Variants in ULK1 observed in about 807,000 individuals in gnomAD.
The protein encoded by ULK1 is unc-51 like autophagy activating kinase 1.
ULK1 carries 48 observed loss-of-function variants against 117.5 expected under a neutral mutation model. The ratio of observed to expected loss-of-function variants is 0.41; its 90% CI spans 0.32 to 0.52. The LOEUF is 0.52. Among genes scored for constraint, ULK1 ranks in the 20% least tolerant of loss-of-function variants. The pLI, the probability that ULK1 is intolerant of heterozygous loss-of-function variation, is 0.29. For synonymous variants in ULK1, 790 were observed against 637.8 expected, an observed-to-expected ratio of 1.24 and a Z score of -3.60; for missense variants, 1,387 against 1,473.4, an observed-to-expected ratio of 0.94 and a Z score of 0.96.
At chr12:131,914,078 AGC>A (rs1362001134) in intron 15 of ULK1, among the ~76,000 whole-genome samples, 4 of 4,502 alleles carry the variant, frequency 8.9e-4, no homozygotes, top group Non-Finnish European at 4.6e-3. Context: ...AGCACAGTCG[AGC>A]CTGTAGGGCC....
intron 3 of ULK1, among the ~76,000 whole-genome samples, chr12:131,898,999 C>G (rs1888984826): frequency 6.6e-6 from 1 of 151,378 alleles, no homozygotes; most frequent in South Asian, 2.1e-4. Context: ...CTGCCTCAGC[C>G]TCCCGAGTAG....
At chr12:131,921,011 C>T (rs1890126546) in intron 26 of ULK1, 89 bp from the exon 27 acceptor site, 5 of 1,466,484 alleles carry the variant, frequency 3.4e-6, no homozygotes, top group African/African-American at 1.4e-5. Flanking sequence ...TATCTGCCAC[C>T]CCTGGGCCGC....
rs146750687 is a variant in ULK1, at chr12:131,922,116, G to A, written c.*755G>A. ...ACCGTGTTCTCTCAGCCCTGGATACGTCTTGTAATCTTTCACACTTTATTC... is the reference window on the plus strand; with the variant it reads ...ACCGTGTTCTCTCAGCCCTGGATACATCTTGTAATCTTTCACACTTTATTC... On this transcript the variant is annotated 3_prime_UTR_variant, in exon 28 of 28. Transcript: ENST00000321867. 39 of 418,920 alleles carry A rather than the reference G, an allele frequency of 9.3e-5. No homozygotes were observed. The highest frequency in any genetic ancestry group is 1.5e-4 in the Non-Finnish European group (32 of 208,282). The allele number at this position is 418,920 out of a possible 1,614,324, so 26.0% of individuals were successfully genotyped here.
At position 131,913,790 on chromosome 12, in the gene ULK1, AC is replaced by A; in HGVS notation, c.1205del (p.Pro402HisfsTer245). The A allele has an allele frequency of 6.3e-7, 1 of 1,576,154 alleles. No homozygotes were observed. Among genetic ancestry groups the A allele is most frequent in the Non-Finnish European group, 8.6e-7 (1 of 1,160,926 alleles). On this transcript the variant is annotated frameshift_variant, in exon 15 of 28. Transcript: ENST00000321867. LOFTEE classifies it high-confidence loss of function. ...ASAGLESHGR[T>X]PSPSPPCSSS... is the part of the protein sequence containing the mutation. Reference sequence around the variant, plus strand: ...TGCGGGCTTGGAGAGCCACGGCCGGACCCCATCTCCATCCCCACCCTGCAGC... The same window carrying A: ...TGCGGGCTTGGAGAGCCACGGCCGGACCCATCTCCATCCCCACCCTGCAGC...
chr12:131,906,212 G>C (rs1889268016), intron 3 of ULK1, among the ~76,000 whole-genome samples: 1 of 152,124 alleles, frequency 6.6e-6, no homozygotes, highest in Non-Finnish European at 1.5e-5. Flanking sequence ...TCCTGCCTTA[G>C]CCTCCTAAGT....
At chr12:131,918,390 G>C in intron 22 of ULK1, 107 bp from the exon 23 acceptor site, 2 of 1,357,456 alleles carry the variant, frequency 1.5e-6, no homozygotes, top group Non-Finnish European at 2.0e-6. Flanking sequence ...GGTGTAAACC[G>C]AGGCAGAGGC....
At position 131,918,354 on chromosome 12, in the gene ULK1, T is replaced by C. The variant is rs1331399675; in HGVS notation, c.2327-143T>C. On this transcript the variant is annotated intron_variant, in intron 22 of 27. Coordinates refer to ENST00000321867, the MANE Select transcript of ULK1 (RefSeq NM_003565.4). ...TGGCTCTAGGGGCCTGCTGTGCTTC[T>C]CCTGTTGGAGCATTGGGATATAACA... is the stretch of plus-strand genomic sequence containing the variant. 2.9e-6 allele frequency: 3 copies of C among 1,018,906 alleles called. No individual in the cohort carries two copies. The African/African-American group carries it at 4.9e-5, about 17-fold the overall frequency. 63.1% of individuals were successfully genotyped at this position (1,018,906 alleles called of 1,614,324 possible). A position where few individuals can be genotyped will look rare whatever the true frequency, so the allele number is the denominator to read the frequency against.
chr12:131,917,507 C>G lies in ULK1; in HGVS notation c.2279C>G (p.Pro760Arg), dbSNP rs760194704. 2.7e-6 allele frequency: 4 copies of G among 1,471,176 alleles called. No homozygotes were observed. The highest frequency in any genetic ancestry group is 2.7e-6 in the Non-Finnish European group (3 of 1,109,140). 91.1% of individuals were successfully genotyped at this position (1,471,176 alleles called of 1,614,324 possible). A position where few individuals can be genotyped will look rare whatever the true frequency, so the allele number is the denominator to read the frequency against. The change falls in exon 22 of 28, where the codon CCG (proline) becomes CGG (arginine). Residue 760 changes from proline (P) to arginine (R), a missense_variant. Physicochemically the swap from Pro to Arg is moderately radical, Grantham distance 103. Around this residue, in one of 4 missense-constraint regions of ULK1, gnomAD observed 900 missense variants for 858.9 expected, o/e 1.05. Coordinates refer to ENST00000321867, the MANE Select transcript of ULK1 (RefSeq NM_003565.4). ...SPVVFTVGSP[P>R]SGSTPPQGPR... ...GTGGTCTTCACCGTGGGCTCTCCCC[C>G]GAGCGGGAGCACGCCCCCCCAGGGC...
chr12:131,916,695 C>T, intron 20 of ULK1, 104 bp downstream of exon 20: 1 of 1,359,742 alleles, frequency 7.4e-7, no homozygotes, highest in Non-Finnish European at 9.7e-7. Flanking sequence ...AAAAGCCCAG[C>T]CTTGCCCTTC....
chr12:131,907,394 C>T, intron 4 of ULK1, 101 bp from the exon 5 acceptor site: 1 of 1,477,602 alleles, frequency 6.8e-7, no homozygotes, highest in South Asian at 1.3e-5. Context: ...CCTGCGGGCT[C>T]AGGGAGTAGT....
intron 20 of ULK1, 109 bp from the exon 21 acceptor site, chr12:131,916,844 G>A (rs1889811593): frequency 2.7e-6 from 3 of 1,093,316 alleles, no homozygotes; most frequent in Admixed American, 2.9e-5. Flanking sequence ...CTCTCGAGGT[G>A]GGCCAGGAGA....
intron 7 of ULK1, 29 bp downstream of exon 7, chr12:131,909,000 G>T (rs375108812): frequency 2.5e-6 from 4 of 1,612,766 alleles, no homozygotes; most frequent in Non-Finnish European, 3.4e-6. Flanking sequence ...GGCTGTGCCG[G>T]GTGGGCGCCT....
intron 3 of ULK1, among the ~76,000 whole-genome samples, chr12:131,905,267 C>G (rs547977272): frequency 1.3e-3 from 193 of 152,320 alleles, no homozygotes; most frequent in Non-Finnish European, 2.4e-3. Context: ...GGGGGCAGCT[C>G]TGGGACACGG....
At chr12:131,915,475 G>C in intron 18 of ULK1, 54 bp downstream of exon 18, 1 of 1,584,670 alleles carries the variant, frequency 6.3e-7, no homozygotes, top group Non-Finnish European at 8.6e-7. Flanking sequence ...CCTCGCTCAC[G>C]TTGTCATCCT....
chr12:131,910,069 G>T, intron 10 of ULK1, 68 bp downstream of exon 10: 1 of 1,588,596 alleles, frequency 6.3e-7, no homozygotes. Context: ...GATGTGAGCA[G>T]GGCCCACCGG....
intron 3 of ULK1, among the ~76,000 whole-genome samples, chr12:131,904,556 A>C (rs1391444522): frequency 2.0e-5 from 3 of 152,108 alleles, no homozygotes; most frequent in Non-Finnish European, 2.9e-5. Context: ...CTCCTGTCCC[A>C]CACAGCCCGG....
Position 131,920,116 on chromosome 12 carries a change from T to A in ULK1, c.2941T>A (p.Phe981Ile). The A allele has an allele frequency of 6.2e-7, 1 of 1,612,824 alleles. No homozygotes were observed. Among genetic ancestry groups the A allele is most frequent in the East Asian group, 2.2e-5 (1 of 44,890 alleles). ...IHSITAERLI[F>I]SHAVQMVQSA... ...CAGCATCACTGCCGAGAGGCTCATC[T>A]TCAGCCACGCTGTGCAGATGGTACG... The change falls in exon 26 of 28, where the codon TTC becomes ATC. Residue 981 changes from phenylalanine (F) to isoleucine (I), a missense_variant. Around this residue, in one of 4 missense-constraint regions of ULK1, gnomAD observed 900 missense variants for 858.9 expected, o/e 1.05. Transcript: ENST00000321867.
At position 131,916,546 on chromosome 12, in the gene ULK1, G is replaced by T; in HGVS notation, c.2027G>T (p.Gly676Val). 1 of 1,605,880 alleles carries T rather than the reference G, an allele frequency of 6.2e-7. No individual in the cohort carries two copies. The highest frequency in any genetic ancestry group is 2.2e-5 in the East Asian group (1 of 44,790). Residue 676 changes from glycine to valine, a missense_variant, in exon 20 of 28, where the codon GGC (glycine) becomes GTC (valine). Gly to Val is a moderately radical substitution (Grantham distance 109, BLOSUM62 -3). Transcript: ENST00000321867. ...GGACCCTTCCATGGTCAGCCGTTGG[G>T]CCCTGGCCTGCGGCCAGGCGAGGAC... ...EVGPFHGQPL[G>V]PGLRPGEDPK...
chr12:131,906,790 G>T lies in ULK1; in HGVS notation c.247-102G>T, dbSNP rs1889294018. On this transcript the variant is annotated intron_variant, in intron 3 of 27. Coordinates refer to ENST00000321867, the MANE Select transcript of ULK1 (RefSeq NM_003565.4). The stretch of plus-strand genomic sequence containing the variant: ...CCGCTGGCTGACCAGCTAAGTCCTG[G>T]CACTGCAGGGCCTGCCCAGGCCGAA... 6.2e-6 allele frequency: 9 copies of T among 1,455,066 alleles called. No homozygotes were observed. The South Asian group carries it at 1.0e-4, about 17-fold the overall frequency. The allele number at this position is 1,455,066 out of a possible 1,614,324, so 90.1% of individuals were successfully genotyped here.
Sources: gnomAD v4.1 joint callset for allele counts (sites outside exome capture counted in the v4.1 genomes callset) on GRCh38, gnomAD v4.1.1 for gene constraint, gnomAD v4.1.1 regional missense constraint, MANE v1.5 for transcripts, NCBI Gene and HGNC (gene_info 2026-07-23, HGNC 2026-07-21) for gene names.